The following CYFIP2 variants were observed in gnomAD, a reference collection of about 807,000 sequenced individuals.
CYFIP2 encodes the protein cytoplasmic FMR1-interacting protein 2.
CYFIP2 carries 29 observed loss-of-function variants against 158.7 expected under a neutral mutation model. That is an observed-to-expected ratio of 0.18 (90% CI 0.14 to 0.25). The LOEUF (loss-of-function observed/expected upper bound fraction) is 0.25, where lower values mean the gene tolerates loss of function less well. Ranked by LOEUF, CYFIP2 falls within the 10% of genes least tolerant of loss-of-function variation. CYFIP2 has a pLI of 1.00. For missense variants in CYFIP2, 852 were observed against 1,639.5 expected, an observed-to-expected ratio of 0.52 and a Z score of 8.29; for synonymous variants, 585 against 617.6, an observed-to-expected ratio of 0.95 and a Z score of 0.78.
At chr5:157,384,731 G>A (rs1436688856) in intron 28 of CYFIP2, 6 of 333,372 alleles carry the variant, frequency 1.8e-5, no homozygotes, top group Non-Finnish European at 3.0e-5. Context: ...CCTCAGGTCA[G>A]GAGGTCGAGA....
chr5:157,299,307 A>G (rs1325213433), intron 5 of CYFIP2, among the ~76,000 whole-genome samples: 1 of 151,862 alleles, frequency 6.6e-6, no homozygotes, highest in Admixed American at 6.6e-5. Context: ...CCCTGACCCC[A>G]TCTCTCTGCC....
In CYFIP2 at chr5:157,390,542, G is replaced by C. The variant is rs1457798273; in HGVS notation, c.3468G>C (p.Leu1156Phe). 6.5e-7 allele frequency: 1 copy of C among 1,528,018 alleles called. No homozygotes were observed. Among genetic ancestry groups the C allele is most frequent in the Non-Finnish European group, 8.8e-7 (1 of 1,132,872 alleles). 94.7% of individuals were successfully genotyped at this position (1,528,018 alleles called of 1,614,324 possible). Reference protein sequence around the residue: ...FTAEQCFGDGLNWAGCSIIVL... With the variant: ...FTAEQCFGDGFNWAGCSIIVL... ...CCAGGCAGTGTTTCGGCGATGGCTT[G>C]AACTGGGCTGGTTGCTCCATCATTG... Residue 1156 changes from leucine to phenylalanine, a missense_variant, in exon 30 of 31, where the codon TTG (leucine) becomes TTC (phenylalanine). Around this residue, in one of 8 missense-constraint regions of CYFIP2, gnomAD observed 223 missense variants for 381.6 expected, o/e 0.58. Transcript: ENST00000620254.
chr5:157,342,793 C>G, intron 23 of CYFIP2: 1 of 1,458,728 alleles, frequency 6.9e-7, no homozygotes. Flanking sequence ...TCTATAGACA[C>G]ATTTGTACAA....
intron 6 of CYFIP2, among the ~76,000 whole-genome samples, chr5:157,302,460 G>C (rs754498282): frequency 6.6e-6 from 1 of 152,178 alleles, no homozygotes; most frequent in Non-Finnish European, 1.5e-5. Flanking sequence ...GGTCACAGGA[G>C]GGTACAAGGA....
intron 26 of CYFIP2, among the ~76,000 whole-genome samples, chr5:157,367,051 C>G (rs564493628): frequency 6.6e-6 from 1 of 152,258 alleles, no homozygotes; most frequent in South Asian, 2.1e-4. Flanking sequence ...TTCTTCTCTC[C>G]TTATTAGAGT....
chr5:157,282,671 T>C (rs1382329915), intron 1 of CYFIP2, among the ~76,000 whole-genome samples: 1 of 152,242 alleles, frequency 6.6e-6, no homozygotes, highest in Non-Finnish European at 1.5e-5. Context: ...TGTTAGATAT[T>C]GCCAGATTTC....
chr5:157,389,499 A>G (rs1581211058), intron 29 of CYFIP2, 72 bp downstream of exon 29: 2 of 1,391,040 alleles, frequency 1.4e-6, no homozygotes, highest in East Asian at 5.0e-5. Flanking sequence ...GGGCTGCCAG[A>G]GTTCAGCCAG....
At chr5:157,289,477 C>T (rs1757656034) in intron 3 of CYFIP2, among the ~76,000 whole-genome samples, 1 of 152,194 alleles carries the variant, frequency 6.6e-6, no homozygotes, top group Non-Finnish European at 1.5e-5. Flanking sequence ...GATTAGAAGT[C>T]CAAGATCAAG....
intron 26 of CYFIP2, 113 bp from the exon 27 acceptor site, chr5:157,382,477 C>G (rs1359339515): frequency 1.9e-6 from 2 of 1,078,704 alleles, no homozygotes; most frequent in Admixed American, 4.3e-5. Flanking sequence ...AGTAGAAGAG[C>G]CAGGATTTGA....
At chr5:157,338,385 C>T (rs1386048742) in intron 21 of CYFIP2, among the ~76,000 whole-genome samples, 1 of 152,246 alleles carries the variant, frequency 6.6e-6, no homozygotes, top group African/African-American at 2.4e-5. Flanking sequence ...CATTCTGCTC[C>T]CACCTCTTTT....
At chr5:157,333,230 C>T in intron 20 of CYFIP2, 97 bp from the exon 21 acceptor site, 1 of 1,527,580 alleles carries the variant, frequency 6.5e-7, no homozygotes, top group South Asian at 1.2e-5. Flanking sequence ...GTCTCACTCC[C>T]ACCTTGGTCC....
intron 23 of CYFIP2, chr5:157,343,185 C>T: frequency 6.2e-7 from 1 of 1,614,180 alleles, no homozygotes; most frequent in South Asian, 1.1e-5. Flanking sequence ...AGCAGAATGG[C>T]CATCAGCACC....
At chr5:157,388,973 G>A (rs748311097) in intron 28 of CYFIP2, among the ~76,000 whole-genome samples, 2 of 152,156 alleles carry the variant, frequency 1.3e-5, no homozygotes, top group Non-Finnish European at 2.9e-5. Context: ...CGCTACTGAT[G>A]GTGCCTGGAT....
chr5:157,274,243 G>A (rs1340037429), intron 1 of CYFIP2, among the ~76,000 whole-genome samples: 2 of 151,700 alleles, frequency 1.3e-5, no homozygotes, highest in African/African-American at 4.8e-5. Flanking sequence ...GAAATCTCAT[G>A]GCCTTTAGCA....
intron 23 of CYFIP2, among the ~76,000 whole-genome samples, chr5:157,345,007 A>C (rs1217041566): frequency 6.6e-6 from 1 of 152,226 alleles, no homozygotes; most frequent in Non-Finnish European, 1.5e-5. Context: ...GTGTCTTTCT[A>C]TGTGGCTGAA....
intron 14 of CYFIP2, 25 bp downstream of exon 14, chr5:157,319,953 G>A (rs924499341): frequency 6.2e-7 from 1 of 1,611,372 alleles, no homozygotes; most frequent in Non-Finnish European, 8.5e-7. Context: ...GCCTTCAGGA[G>A]CATATCAGAC....
intron 16 of CYFIP2, 121 bp from the exon 17 acceptor site, chr5:157,325,361 A>G (rs1004908850): frequency 1.2e-5 from 13 of 1,079,168 alleles, no homozygotes; most frequent in Non-Finnish European, 1.5e-5. Flanking sequence ...CTACTAATCA[A>G]TATTAGTACC....
intron 5 of CYFIP2, among the ~76,000 whole-genome samples, chr5:157,299,932 T>A (rs1758600670): frequency 6.6e-6 from 1 of 152,164 alleles, no homozygotes; most frequent in Admixed American, 6.5e-5. Flanking sequence ...AAAACTAGAA[T>A]GTAAATTCCT....
intron 1 of CYFIP2, among the ~76,000 whole-genome samples, chr5:157,270,073 G>C (rs1358250316): frequency 2.0e-5 from 3 of 152,216 alleles, no homozygotes; most frequent in Non-Finnish European, 4.4e-5. Context: ...TGGTTGCGTG[G>C]CATTTTGATA....
Sources: gnomAD v4.1 joint callset for allele counts (sites outside exome capture counted in the v4.1 genomes callset) on GRCh38, gnomAD v4.1.1 for gene constraint, gnomAD v4.1.1 regional missense constraint, MANE v1.5 for transcripts, NCBI Gene and HGNC (gene_info 2026-07-23, HGNC 2026-07-21) for gene names.